The following ZNF850 variants were observed in gnomAD, a reference collection of about 807,000 sequenced individuals.
ZNF850 encodes the protein putative zinc finger protein ENSP00000330994.
ZNF850 carries 2 observed loss-of-function variants against 11.9 expected under a neutral mutation model. That is an observed-to-expected ratio of 0.17 (90% CI 0.07 to 0.53). The LOEUF (loss-of-function observed/expected upper bound fraction) is 0.53, where lower values mean the gene tolerates loss of function less well. ZNF850 is among the 20% of genes least tolerant of loss of function. The probability of loss-of-function intolerance (pLI) is 0.94; values close to 1 mark genes in which losing one functional copy is unlikely to be tolerated. For synonymous variants in ZNF850, 381 were observed against 443.0 expected (o/e 0.86, Z 1.76); for missense variants, 1,014 against 1,316.4 (o/e 0.77, Z 3.55).
intron 4 of ZNF850, among the ~76,000 whole-genome samples, chr19:36,751,781 C>G (rs2040455769): frequency 6.7e-6 from 1 of 148,462 alleles, no homozygotes; most frequent in South Asian, 2.1e-4. Context: ...ATCTCAGCAC[C>G]ATAGGAAAGG....
At position 36,746,917 on chromosome 19, in the gene ZNF850, C is replaced by A. The variant is rs1188955224; in HGVS notation, c.*850G>T. 1 of 151,852 alleles carries A rather than the reference C, an allele frequency of 6.6e-6. No homozygotes were observed. Among genetic ancestry groups the A allele is most frequent in the Non-Finnish European group, 1.5e-5 (1 of 67,976 alleles). The allele number at this position is 151,852 out of a possible 1,614,324, so 9.4% of individuals were successfully genotyped here. A position where few individuals can be genotyped will look rare whatever the true frequency, so the allele number is the denominator to read the frequency against. On this transcript the variant is annotated 3_prime_UTR_variant, in exon 5 of 5. Coordinates refer to ENST00000591344, the MANE Select transcript of ZNF850 (RefSeq NM_001193552.2). The stretch of plus-strand genomic sequence containing the variant: ...CCTGTAATCCCAGCACTTTGGGAGG[C>A]CGAGGTAGGGGGATCACGAGGTCAA...
In ZNF850 at chr19:36,747,670, G is replaced by A; in HGVS notation, c.*97C>T. On this transcript the variant is annotated 3_prime_UTR_variant, in exon 5 of 5. Coordinates refer to ENST00000591344, the MANE Select transcript of ZNF850 (RefSeq NM_001193552.2). Reference sequence around the variant, plus strand: ...AAAAAAAGTCGTAATTCTGGAAAAAGTGAATATGAAGTAATACACATCCAT... The same window carrying A: ...AAAAAAAGTCGTAATTCTGGAAAAAATGAATATGAAGTAATACACATCCAT... The A allele has an allele frequency of 8.9e-7, 1 of 1,124,008 alleles. No individual in the cohort carries two copies. Among genetic ancestry groups the A allele is most frequent in the Non-Finnish European group, 1.2e-6 (1 of 835,454 alleles). The allele number at this position is 1,124,008 out of a possible 1,614,324, so 69.6% of individuals were successfully genotyped here.
Position 36,749,807 on chromosome 19 carries a change from G to C in ZNF850, c.1233C>G (p.His411Gln). The C allele has an allele frequency of 6.6e-7, 1 of 1,522,844 alleles. No homozygotes were observed. Among genetic ancestry groups the C allele is most frequent in the Non-Finnish European group, 8.8e-7 (1 of 1,139,452 alleles). 94.3% of individuals were successfully genotyped at this position (1,522,844 alleles called of 1,614,324 possible). A position where few individuals can be genotyped will look rare whatever the true frequency, so the allele number is the denominator to read the frequency against. The change falls in exon 5 of 5, where the codon CAC becomes CAG. Residue 411 changes from histidine (H) to glutamine (Q), a missense_variant. Coordinates refer to ENST00000591344, the MANE Select transcript of ZNF850 (RefSeq NM_001193552.2). ...SFTFRSGLIG[H>Q]QAIHTGEKPY... ...GTTTCTCACCAGTGTGAATTGCCTG[G>C]TGTCCAATTAACCCTGAGCGAAAAG...
At chr19:36,763,708 T>G (rs1210069628) in intron 1 of ZNF850, among the ~76,000 whole-genome samples, 1 of 151,860 alleles carries the variant, frequency 6.6e-6, no homozygotes, top group Non-Finnish European at 1.5e-5. Flanking sequence ...GCAGATGAAT[T>G]GCTTGAGCTC....
chr19:36,767,075 TA>T (rs1196209805), intron 1 of ZNF850, among the ~76,000 whole-genome samples: 2 of 147,416 alleles, frequency 1.4e-5, no homozygotes, highest in East Asian at 4.0e-4. Flanking sequence ...TGTCTCAAAT[TA>T]AAATACAAAA....
intron 1 of ZNF850, among the ~76,000 whole-genome samples, chr19:36,763,404 G>A (rs1390254082): frequency 6.6e-6 from 1 of 151,716 alleles, no homozygotes; most frequent in African/African-American, 2.4e-5. Flanking sequence ...ATTAGCTGGG[G>A]GTGGTGGCGC....
intron 4 of ZNF850, among the ~76,000 whole-genome samples, chr19:36,751,702 A>AAC (rs2040455192): frequency 6.7e-6 from 1 of 148,910 alleles, no homozygotes; most frequent in Non-Finnish European, 1.5e-5. Flanking sequence ...CCATCTCAAA[A>AAC]AAAAAAAAAA....
At chr19:36,759,307 C>A (rs1298319307) in intron 4 of ZNF850, among the ~76,000 whole-genome samples, 4 of 151,690 alleles carry the variant, frequency 2.6e-5, no homozygotes, top group Non-Finnish European at 5.9e-5. Flanking sequence ...GAACCCATCT[C>A]TACAAAAAAA....
intron 1 of ZNF850, among the ~76,000 whole-genome samples, chr19:36,771,600 T>C (rs1326292895): frequency 6.6e-6 from 1 of 151,722 alleles, no homozygotes; most frequent in Non-Finnish European, 1.5e-5. Flanking sequence ...CCGGGACCAA[T>C]CAGGGGCTGA....
chr19:36,753,446 A>AAAAAT (rs2040466600), intron 4 of ZNF850, among the ~76,000 whole-genome samples: 1 of 146,476 alleles, frequency 6.8e-6, no homozygotes, highest in African/African-American at 2.6e-5. Flanking sequence ...AAAAAAAAAA[A>AAAAAT]GCCGGGTGTG....
chr19:36,763,403 G>C (rs1415745579), intron 1 of ZNF850, among the ~76,000 whole-genome samples: 1 of 151,872 alleles, frequency 6.6e-6, no homozygotes, highest in African/African-American at 2.4e-5. Flanking sequence ...AATTAGCTGG[G>C]GGTGGTGGCG....
At chr19:36,755,887 T>A (rs529715036) in intron 4 of ZNF850, among the ~76,000 whole-genome samples, 3 of 150,910 alleles carry the variant, frequency 2.0e-5, no homozygotes, top group Non-Finnish European at 3.0e-5. Context: ...ATAGTTTTTT[T>A]ATATATCTAG....
chr19:36,751,065 TAAAAAAAAAAA>T (rs34721047), intron 4 of ZNF850, among the ~76,000 whole-genome samples: 2 of 89,434 alleles, frequency 2.2e-5, no homozygotes, highest in East Asian at 6.3e-4. Flanking sequence ...GACCCTGTCT[TAAAAAAAAAAA>T]AAAAAAAAAA....
chr19:36,758,971 T>A (rs1184769961), intron 4 of ZNF850, among the ~76,000 whole-genome samples: 1 of 151,624 alleles, frequency 6.6e-6, no homozygotes, highest in Non-Finnish European at 1.5e-5. Flanking sequence ...TAATCCCAGC[T>A]ACTCAGGAGG....
intron 1 of ZNF850, among the ~76,000 whole-genome samples, chr19:36,767,644 G>A (rs1478295048): frequency 2.0e-5 from 3 of 152,042 alleles, no homozygotes; most frequent in East Asian, 3.9e-4. Flanking sequence ...CAGGAGAATC[G>A]CTTGAACCTG....
At chr19:36,771,269 G>GT (rs111691365) in intron 1 of ZNF850, among the ~76,000 whole-genome samples, 1 of 151,792 alleles carries the variant, frequency 6.6e-6, no homozygotes, top group Admixed American at 6.6e-5. Flanking sequence ...ATCTGGGGGG[G>GT]TTTATTAACT....
chr19:36,763,849 G>A (rs1048946990), intron 1 of ZNF850, among the ~76,000 whole-genome samples: 37 of 149,398 alleles, frequency 2.5e-4, no homozygotes, highest in African/African-American at 9.1e-4. Context: ...GAGGTGGGAG[G>A]ATTGCTTGAG....
intron 1 of ZNF850, among the ~76,000 whole-genome samples, chr19:36,768,918 T>A (rs1262911864): frequency 6.8e-6 from 1 of 147,904 alleles, no homozygotes; most frequent in Non-Finnish European, 1.5e-5. Context: ...GCCATGATCC[T>A]GCCACTGCAC....
In ZNF850 at chr19:36,747,653, T is replaced by C. The variant is rs1188033273; in HGVS notation, c.*114A>G. 9.4e-7 allele frequency: 1 copy of C among 1,062,702 alleles called. No homozygotes were observed. Among genetic ancestry groups the C allele is most frequent in the East Asian group, 2.7e-5 (1 of 36,590 alleles). The allele number at this position is 1,062,702 out of a possible 1,614,324, so 65.8% of individuals were successfully genotyped here. A position where few individuals can be genotyped will look rare whatever the true frequency, so the allele number is the denominator to read the frequency against. Reference sequence around the variant, plus strand: ...TCCGTCTCAAAAAAAAAAAAAAAAGTCGTAATTCTGGAAAAAGTGAATATG... The same window carrying C: ...TCCGTCTCAAAAAAAAAAAAAAAAGCCGTAATTCTGGAAAAAGTGAATATG... On this transcript the variant is annotated 3_prime_UTR_variant, in exon 5 of 5. Transcript: ENST00000591344.
Sources: gnomAD v4.1 joint callset for allele counts (sites outside exome capture counted in the v4.1 genomes callset) on GRCh38, gnomAD v4.1.1 for gene constraint, MANE v1.5 for transcripts, NCBI Gene and HGNC (gene_info 2026-07-23, HGNC 2026-07-21) for gene names.